Variants in GABRB1 observed in about 807,000 individuals in gnomAD.
GABRB1 encodes gamma-aminobutyric acid type A receptor subunit beta1.
A neutral mutation model predicts 51.6 loss-of-function variants in GABRB1; 17 were observed. That is an observed-to-expected ratio of 0.33 (90% CI 0.23 to 0.49). GABRB1 has a LOEUF of 0.49. GABRB1 is among the 20% of genes least tolerant of loss of function. The pLI, the probability that GABRB1 is intolerant of heterozygous loss-of-function variation, is 0.99. For missense variants in GABRB1, 410 were observed against 600.6 expected (o/e 0.68, Z 3.32); for synonymous variants, 247 against 218.9 (o/e 1.13, Z -1.14).
At chr4:47,149,124 A>G (rs1717313836) in intron 3 of GABRB1, among the ~76,000 whole-genome samples, 1 of 151,990 alleles carries the variant, frequency 6.6e-6, no homozygotes, top group Non-Finnish European at 1.5e-5. Flanking sequence ...CCAACTCTAT[A>G]TGGTGGTTTT....
intron 1 of GABRB1, among the ~76,000 whole-genome samples, chr4:47,010,132 C>A (rs1314644291): frequency 6.6e-6 from 1 of 152,154 alleles, no homozygotes; most frequent in East Asian, 1.9e-4. Context: ...CTCAAGGAAG[C>A]TTTCTCAATG....
At chr4:47,365,212 G>A (rs909958163) in intron 5 of GABRB1, among the ~76,000 whole-genome samples, 1 of 152,154 alleles carries the variant, frequency 6.6e-6, no homozygotes, top group African/African-American at 2.4e-5. Context: ...CCTCAGCTCA[G>A]CTTGCATGAC....
At chr4:47,348,508 C>T (rs4386575) in intron 5 of GABRB1, among the ~76,000 whole-genome samples, 55,716 of 152,036 alleles carry the variant, frequency 0.37, 10,406 homozygotes, top group South Asian at 0.46. Context: ...ATATGAAACA[C>T]AAATGGATTT....
upstream of GABRB1, among the ~76,000 whole-genome samples, chr4:47,028,872 CAT>C (rs148076348): frequency 1.2e-3 from 167 of 138,276 alleles, no homozygotes; most frequent in Middle Eastern, 0.012. Flanking sequence ...GTATATATAC[CAT>C]ATATATATAT....
chr4:47,186,216 T>TG (rs891730379), intron 4 of GABRB1, among the ~76,000 whole-genome samples: 14 of 99,746 alleles, frequency 1.4e-4, no homozygotes, highest in African/African-American at 5.4e-4. Flanking sequence ...CATGAATTGG[T>TG]GGGGGGGCGG....
At chr4:47,149,057 A>C (rs1054993096) in intron 3 of GABRB1, among the ~76,000 whole-genome samples, 1 of 151,990 alleles carries the variant, frequency 6.6e-6, no homozygotes, top group Non-Finnish European at 1.5e-5. Context: ...ATTTTTGAGA[A>C]GAGGCACTTA....
intron 8 of GABRB1, among the ~76,000 whole-genome samples, chr4:47,418,254 C>G (rs1728990038): frequency 1.3e-5 from 2 of 152,148 alleles, no homozygotes; most frequent in African/African-American, 4.8e-5. Flanking sequence ...TCATTTCTTG[C>G]AATTGTGGAA....
intron 3 of GABRB1, among the ~76,000 whole-genome samples, chr4:47,135,401 G>A (rs778377198): frequency 1.3e-5 from 2 of 151,932 alleles, no homozygotes; most frequent in Non-Finnish European, 2.9e-5. Context: ...TTACTTCCAC[G>A]GAAAGCAGAG....
intron 3 of GABRB1, among the ~76,000 whole-genome samples, chr4:47,119,994 T>C (rs1715696351): frequency 1.3e-5 from 2 of 152,108 alleles, no homozygotes; most frequent in African/African-American, 4.8e-5. Flanking sequence ...TGCAACATTA[T>C]TAAACACCCA....
At position 47,161,363 on chromosome 4, in the gene GABRB1, C is replaced by T; in HGVS notation, c.355C>T (p.Pro119Ser). 1 of 1,612,822 alleles carries T rather than the reference C, an allele frequency of 6.2e-7. No homozygotes were observed. The highest frequency in any genetic ancestry group is 8.5e-7 in the Non-Finnish European group (1 of 1,179,268). ...DNRVADQLWV[P>S]DTYFLNDKKS... ...TAGGGTAGCTGACCAACTCTGGGTA[C>T]CAGACACCTACTTTCTGAATGACAA... Residue 119 changes from proline to serine, a missense_variant, in exon 4 of 9, where the codon CCA becomes TCA. By Grantham distance (74) the Pro-to-Ser change is moderately conservative. Transcript: ENST00000295454.
chr4:47,205,313 T>A (rs1720071489), intron 4 of GABRB1, among the ~76,000 whole-genome samples: 1 of 152,160 alleles, frequency 6.6e-6, no homozygotes, highest in Non-Finnish European at 1.5e-5. Flanking sequence ...CTTTCTTAGT[T>A]TTGTAGGATA....
chr4:47,109,037 C>T (rs1347531405), intron 3 of GABRB1, among the ~76,000 whole-genome samples: 1 of 152,052 alleles, frequency 6.6e-6, no homozygotes, highest in African/African-American at 2.4e-5. Context: ...AATGCAATAA[C>T]ATGTGAAAGT....
At chr4:47,172,554 T>G (rs944518449) in intron 4 of GABRB1, among the ~76,000 whole-genome samples, 7 of 151,866 alleles carry the variant, frequency 4.6e-5, no homozygotes, top group South Asian at 4.1e-4. Flanking sequence ...CACATGCAGT[T>G]CTACTAAATA....
chr4:47,377,178 T>C (rs763870087), intron 5 of GABRB1, among the ~76,000 whole-genome samples: 2 of 152,138 alleles, frequency 1.3e-5, no homozygotes, highest in African/African-American at 2.4e-5. Context: ...AGTTTTGCTC[T>C]TGTTGCCCAG....
intron 3 of GABRB1, among the ~76,000 whole-genome samples, chr4:47,142,358 C>T (rs1392038354): frequency 6.6e-6 from 1 of 151,784 alleles, no homozygotes; most frequent in Non-Finnish European, 1.5e-5. Context: ...GAACAGCATC[C>T]TTTGAATAAA....
rs1045707827 is a variant in GABRB1 at position 47,183,486 on chromosome 4, T to C, written c.461+22017T>C. On this transcript the variant is annotated intron_variant, in intron 4 of 8. Transcript: ENST00000295454. ...TGGTACTTCCACACTTAATTTAAGA[T>C]AGCCAGCACCCTTCTGTCTTCTGGA... Among the ~76,000 whole-genome samples the C allele has an allele frequency of 1.3e-4, 19 of 151,456 alleles. 1 individual carries two copies. Among genetic ancestry groups the C allele is most frequent in the Admixed American group, 7.9e-4 (12 of 15,128 alleles).
chr4:47,003,999 G>A (rs1724306498), intron 1 of GABRB1, among the ~76,000 whole-genome samples: 1 of 151,970 alleles, frequency 6.6e-6, no homozygotes, highest in Non-Finnish European at 1.5e-5. Context: ...TGTTTGTTTT[G>A]TTTTTGTTTT....
intron 4 of GABRB1, among the ~76,000 whole-genome samples, chr4:47,170,087 C>T (rs1172547756): frequency 1.3e-5 from 2 of 152,144 alleles, no homozygotes; most frequent in African/African-American, 4.8e-5. Flanking sequence ...CATTCTGCTT[C>T]AGATTTTGGA....
intron 3 of GABRB1, among the ~76,000 whole-genome samples, chr4:47,151,083 AG>A (rs373906985): frequency 8.7e-4 from 132 of 152,124 alleles, no homozygotes; most frequent in African/African-American, 3.1e-3. Context: ...TTTTAGAATG[AG>A]AATTTGATGG....
Sources: allele counts gnomAD v4.1 joint callset (sites outside exome capture counted in the v4.1 genomes callset), GRCh38; gene constraint gnomAD v4.1.1; transcripts MANE v1.5; gene names NCBI Gene and HGNC (gene_info 2026-07-23, HGNC 2026-07-21).